ANKS6: variants seen among roughly 807,000 people sequenced by gnomAD.
ANKS6 encodes ankyrin repeat and sterile alpha motif domain containing 6, also known as ankyrin repeat and SAM domain-containing protein 6.
A neutral mutation model predicts 77.9 loss-of-function variants in ANKS6; 47 were observed. That is an observed-to-expected ratio of 0.60 (90% CI 0.48 to 0.77). The LOEUF is 0.77. ANKS6 is among the 30% of genes least tolerant of loss of function. The probability of loss-of-function intolerance (pLI) is 0.00; values close to 1 mark genes in which losing one functional copy is unlikely to be tolerated. For missense variants in ANKS6, 1,150 were observed against 1,159.1 expected (o/e 0.99, Z 0.11); for synonymous variants, 488 against 501.7 (o/e 0.97, Z 0.37).
intron 3 of ANKS6, chr9:98,784,472 G>T: frequency 2.5e-6 from 1 of 402,872 alleles, no homozygotes; most frequent in Non-Finnish European, 4.4e-6. Flanking sequence ...GCGGGGTGAG[G>T]ATCGGGAAGG....
At chr9:98,741,458 C>T (rs913393390) in intron 14 of ANKS6, among the ~76,000 whole-genome samples, 5 of 152,178 alleles carry the variant, frequency 3.3e-5, no homozygotes, top group African/African-American at 7.2e-5. Flanking sequence ...GGACACAAAA[C>T]ACTGCAGAGT....
chr9:98,747,479 C>G (rs1039082191), intron 13 of ANKS6, among the ~76,000 whole-genome samples: 5 of 152,150 alleles, frequency 3.3e-5, no homozygotes, highest in African/African-American at 1.2e-4. Context: ...CAGGCACCCC[C>G]ACCTCTCTGG....
At chr9:98,765,983 G>A (rs1412008765) in intron 11 of ANKS6, among the ~76,000 whole-genome samples, 1 of 152,150 alleles carries the variant, frequency 6.6e-6, no homozygotes, top group Non-Finnish European at 1.5e-5. Flanking sequence ...TAAGACTGTG[G>A]TTTCTATGAG....
intron 1 of ANKS6, among the ~76,000 whole-genome samples, chr9:98,793,558 G>A (rs1835016313): frequency 1.3e-5 from 2 of 152,018 alleles, no homozygotes; most frequent in South Asian, 4.1e-4. Flanking sequence ...GTCTCGCTCT[G>A]TCGCCAGGCT....
At chr9:98,761,190 G>A (rs1188274518) in intron 11 of ANKS6, among the ~76,000 whole-genome samples, 2 of 152,120 alleles carry the variant, frequency 1.3e-5, no homozygotes, top group Non-Finnish European at 2.9e-5. Flanking sequence ...CTTTGATGAA[G>A]TATCTGTTCA....
chr9:98,776,239 C>A (rs7028766), intron 8 of ANKS6, among the ~76,000 whole-genome samples: 32,680 of 151,916 alleles, frequency 0.22, 3,923 homozygotes, highest in East Asian at 0.35. Flanking sequence ...CATGAGGGAT[C>A]CCCGAAGTCA....
At chr9:98,751,859 T>A (rs551168976) in intron 12 of ANKS6, among the ~76,000 whole-genome samples, 1 of 152,184 alleles carries the variant, frequency 6.6e-6, no homozygotes, top group Admixed American at 6.5e-5. Flanking sequence ...GGATGAAGGA[T>A]CACTTGAGGC....
chr9:98,735,460 T>C lies in ANKS6; in HGVS notation c.*1059A>G, dbSNP rs894438251. 4.9e-6 allele frequency: 6 copies of C among 1,213,354 alleles called. No individual in the cohort carries two copies. In the South Asian group the frequency reaches 1.3e-4, roughly 26 times the overall value. 75.2% of individuals were successfully genotyped at this position (1,213,354 alleles called of 1,614,324 possible). Reference sequence around the variant, plus strand: ...AGGGCCCCTCTAATTTAATAAAATATGATATGGTAGGAAACTACACAAGCC... The same window carrying C: ...AGGGCCCCTCTAATTTAATAAAATACGATATGGTAGGAAACTACACAAGCC... On this transcript the variant is annotated 3_prime_UTR_variant, in exon 15 of 15. Transcript: ENST00000353234.
intron 1 of ANKS6, among the ~76,000 whole-genome samples, chr9:98,792,935 A>AATTT (rs1834981949): frequency 6.6e-6 from 1 of 152,228 alleles, no homozygotes; most frequent in African/African-American, 2.4e-5. Context: ...CTATGCTGAA[A>AATTT]ATATAAAAGG....
In ANKS6 at chr9:98,790,243, G is replaced by A. The variant is rs1275080356; in HGVS notation, c.723C>T (p.Ala241=). The A allele has an allele frequency of 2.5e-6, 4 of 1,606,466 alleles. No individual in the cohort carries two copies. The highest frequency in any genetic ancestry group is 3.4e-6 in the Non-Finnish European group (4 of 1,174,658). Residue 241 remains alanine (A), a synonymous_variant, in exon 2 of 15, where the codon GCC becomes GCT. Transcript: ENST00000353234. ...TGGCGCCCTTCTCCACCAGCTGCTGGGCCACTCCAAGCCGCCCAGTGAGTG... is the reference window on the plus strand; with the variant it reads ...TGGCGCCCTTCTCCACCAGCTGCTGAGCCACTCCAAGCCGCCCAGTGAGTG... ...LAALTGRLGV[A]QQLVEKGANP... is the part of the protein sequence containing the mutation.
Position 98,735,469 on chromosome 9 carries a change from A to G in ANKS6, c.*1050T>C. 1 of 1,219,690 alleles carries G rather than the reference A, an allele frequency of 8.2e-7. No individual in the cohort carries two copies. Among genetic ancestry groups the G allele is most frequent in the Non-Finnish European group, 1.0e-6 (1 of 981,160 alleles). 75.6% of individuals were successfully genotyped at this position (1,219,690 alleles called of 1,614,324 possible). A position where few individuals can be genotyped will look rare whatever the true frequency, so the allele number is the denominator to read the frequency against. ...CTAATTTAATAAAATATGATATGGT[A>G]GGAAACTACACAAGCCAATTCCCTT... is the stretch of plus-strand genomic sequence containing the variant. On this transcript the variant is annotated 3_prime_UTR_variant, in exon 15 of 15. Transcript: ENST00000353234.
chr9:98,793,823 G>A (rs530107881), intron 1 of ANKS6, among the ~76,000 whole-genome samples: 5 of 148,030 alleles, frequency 3.4e-5, no homozygotes, highest in Non-Finnish European at 4.5e-5. Flanking sequence ...GTGAGCCACC[G>A]CACCTGGCCA....
chr9:98,758,548 G>A lies in ANKS6; in HGVS notation c.2143-1945C>T, dbSNP rs1198372983. Among the ~76,000 whole-genome samples the A allele has an allele frequency of 7.2e-5, 11 of 152,210 alleles. No homozygotes were observed. In the South Asian group the frequency reaches 2.3e-3, roughly 32 times the overall value. On this transcript the variant is annotated intron_variant, in intron 11 of 14. Coordinates refer to ENST00000353234, the MANE Select transcript of ANKS6 (RefSeq NM_173551.5). ...ATGTCACTGCTTCTAGGTCCTCAAA[G>A]TGGACAGAGCAAAGACATATATACA...
chr9:98,795,286 A>T (rs1564235041), intron 1 of ANKS6, among the ~76,000 whole-genome samples: 1 of 151,950 alleles, frequency 6.6e-6, no homozygotes, highest in Non-Finnish European at 1.5e-5. Context: ...ACCCTAGAGT[A>T]TCTAATCTAT....
chr9:98,739,977 G>A (rs1257747908), intron 14 of ANKS6, among the ~76,000 whole-genome samples: 7 of 151,802 alleles, frequency 4.6e-5, no homozygotes, highest in Admixed American at 6.6e-5. Flanking sequence ...GGATGGTCTC[G>A]ATCTCCTGAC....
chr9:98,744,911 G>A (rs1832034287), intron 14 of ANKS6, among the ~76,000 whole-genome samples: 1 of 152,056 alleles, frequency 6.6e-6, no homozygotes, highest in South Asian at 2.1e-4. Context: ...AGACAGCAAA[G>A]GAGTTCCAAT....
At chr9:98,772,509 T>C (rs532562111) in intron 9 of ANKS6, among the ~76,000 whole-genome samples, 6 of 152,274 alleles carry the variant, frequency 3.9e-5, no homozygotes, top group South Asian at 4.1e-4. Flanking sequence ...ACAGCAGCCA[T>C]AGGACACCAA....
In ANKS6 at chr9:98,733,689, T is replaced by C; in HGVS notation, c.*2830A>G. 1 of 985,452 alleles carries C rather than the reference T, an allele frequency of 1.0e-6. No individual in the cohort carries two copies. Among genetic ancestry groups the C allele is most frequent in the Non-Finnish European group, 1.2e-6 (1 of 829,950 alleles). The allele number at this position is 985,452 out of a possible 1,614,324, so 61.0% of individuals were successfully genotyped here. ...AATGTGGGAGATGCTATGAGTTTCT[T>C]GGCCCTGTGAAGAGGCCTGACCCAT... is the stretch of plus-strand genomic sequence containing the variant. On this transcript the variant is annotated 3_prime_UTR_variant, in exon 15 of 15. Transcript: ENST00000353234.
chr9:98,768,886 T>C (rs984354129), intron 10 of ANKS6, among the ~76,000 whole-genome samples: 2 of 152,110 alleles, frequency 1.3e-5, no homozygotes, highest in African/African-American at 2.4e-5. Context: ...TCCCAGCACT[T>C]TGGGAGGCCG....
Sources: gnomAD v4.1 joint callset for allele counts (sites outside exome capture counted in the v4.1 genomes callset) on GRCh38, gnomAD v4.1.1 for gene constraint, MANE v1.5 for transcripts, NCBI Gene and HGNC (gene_info 2026-07-23, HGNC 2026-07-21) for gene names.